SLC39A11: variants seen among roughly 807,000 people sequenced by gnomAD.
SLC39A11 encodes the protein solute carrier family 39 member 11.
SLC39A11 carries 33 observed loss-of-function variants against 36.1 expected under a neutral mutation model. The observed-to-expected ratio is 0.91, with a 90% CI of 0.69 to 1.22. The LOEUF (loss-of-function observed/expected upper bound fraction) is 1.22, where lower values mean the gene tolerates loss of function less well. SLC39A11 is among the 50% of genes most tolerant of loss of function. The pLI, the probability that SLC39A11 is intolerant of heterozygous loss-of-function variation, is 0.00. For missense variants in SLC39A11, 432 were observed against 430.3 expected, an observed-to-expected ratio of 1.00 and a Z score of -0.03; for synonymous variants, 166 against 170.3, an observed-to-expected ratio of 0.97 and a Z score of 0.20.
intron 4 of SLC39A11, among the ~76,000 whole-genome samples, chr17:73,003,981 G>C (rs1327684433): frequency 6.6e-6 from 1 of 151,830 alleles, no homozygotes; most frequent in Non-Finnish European, 1.5e-5. Context: ...AGCTACTATG[G>C]AGGCTGAGGC....
chr17:72,893,909 G>A (rs573774259), intron 5 of SLC39A11, among the ~76,000 whole-genome samples: 4 of 152,176 alleles, frequency 2.6e-5, no homozygotes, highest in East Asian at 1.9e-4. Context: ...ATATTTCCTC[G>A]ATGTCTGCTA....
chr17:72,690,602 T>C (rs538044328), intron 7 of SLC39A11, among the ~76,000 whole-genome samples: 1 of 152,194 alleles, frequency 6.6e-6, no homozygotes, highest in Non-Finnish European at 1.5e-5. Flanking sequence ...GAGATGGACA[T>C]GTAAGAGAGT....
At chr17:72,971,263 T>G (rs371258719) in intron 4 of SLC39A11, among the ~76,000 whole-genome samples, 1 of 151,886 alleles carries the variant, frequency 6.6e-6, no homozygotes, top group South Asian at 2.1e-4. Context: ...TAAATCTGCT[T>G]ACAGAAATAA....
intron 4 of SLC39A11, among the ~76,000 whole-genome samples, chr17:72,973,089 C>T (rs2087576479): frequency 6.6e-6 from 1 of 151,374 alleles, no homozygotes; most frequent in East Asian, 2.0e-4. Flanking sequence ...AAGCTGCCTT[C>T]TGCTTGTCCT....
At chr17:72,851,791 G>C (rs902856925) in intron 5 of SLC39A11, among the ~76,000 whole-genome samples, 1 of 152,022 alleles carries the variant, frequency 6.6e-6, no homozygotes, top group Non-Finnish European at 1.5e-5. Flanking sequence ...TTTCCTGCTT[G>C]AATTTCAAAA....
chr17:73,080,727 T>C (rs1260419414), intron 3 of SLC39A11, among the ~76,000 whole-genome samples: 2 of 152,014 alleles, frequency 1.3e-5, no homozygotes, highest in Non-Finnish European at 2.9e-5. Flanking sequence ...GGCAGATAAT[T>C]TGAGGTCCAG....
intron 5 of SLC39A11, among the ~76,000 whole-genome samples, chr17:72,871,190 T>C (rs567145448): frequency 6.6e-6 from 1 of 151,864 alleles, no homozygotes; most frequent in East Asian, 1.9e-4. Flanking sequence ...GCCTCCCGAG[T>C]AGCTGGGACT....
chr17:72,902,840 T>G (rs2082460890), intron 5 of SLC39A11, among the ~76,000 whole-genome samples: 1 of 152,174 alleles, frequency 6.6e-6, no homozygotes, highest in Non-Finnish European at 1.5e-5. Context: ...AAGGCCTTTT[T>G]CCAGCACCAT....
intron 4 of SLC39A11, among the ~76,000 whole-genome samples, chr17:73,010,266 A>T (rs2090440491): frequency 6.6e-6 from 1 of 152,128 alleles, no homozygotes; most frequent in Non-Finnish European, 1.5e-5. Context: ...CAATACAACC[A>T]GACCCTTTCT....
chr17:72,942,723 C>T (rs1186429735), intron 5 of SLC39A11, among the ~76,000 whole-genome samples: 3 of 152,168 alleles, frequency 2.0e-5, no homozygotes, highest in African/African-American at 4.8e-5. Flanking sequence ...AGTTTTAGCG[C>T]CAAGGAAACT....
At chr17:72,875,321 G>A (rs776932768) in intron 5 of SLC39A11, among the ~76,000 whole-genome samples, 38 of 152,292 alleles carry the variant, frequency 2.5e-4, no homozygotes, top group Non-Finnish European at 5.3e-4. Context: ...AGGCAGAGTG[G>A]AGCATTTTTC....
intron 4 of SLC39A11, among the ~76,000 whole-genome samples, chr17:72,967,399 A>AGAGAGAGAGAGAGTGTGT (rs143987646): frequency 1.4e-5 from 2 of 138,200 alleles, no homozygotes; most frequent in African/African-American, 5.5e-5. Context: ...AGAGAGAGAG[A>AGAGAGAGAGAGAGTGTGT]GTGTGTGTGT....
chr17:73,054,055 G>C (rs960262192), intron 3 of SLC39A11, among the ~76,000 whole-genome samples: 2 of 152,124 alleles, frequency 1.3e-5, no homozygotes, highest in Admixed American at 6.6e-5. Context: ...CTGAGAGGCA[G>C]CCAACCCCAA....
chr17:72,845,471 T>C (rs1166409360), intron 6 of SLC39A11, among the ~76,000 whole-genome samples: 1 of 152,202 alleles, frequency 6.6e-6, no homozygotes, highest in Non-Finnish European at 1.5e-5. Context: ...CTGACTCAAA[T>C]TCAAGGACAT....
At chr17:72,672,539 C>G (rs1291254442) in intron 7 of SLC39A11, among the ~76,000 whole-genome samples, 1 of 152,214 alleles carries the variant, frequency 6.6e-6, no homozygotes, top group Non-Finnish European at 1.5e-5. Context: ...CCTAAAAAGA[C>G]AGTGAACTGT....
intron 4 of SLC39A11, among the ~76,000 whole-genome samples, chr17:72,951,764 C>A (rs2085880952): frequency 6.6e-6 from 1 of 152,046 alleles, no homozygotes; most frequent in African/African-American, 2.4e-5. Context: ...CATGTACTAG[C>A]CCATTATTAA....
intron 7 of SLC39A11, among the ~76,000 whole-genome samples, chr17:72,684,309 G>GC (rs886214938): frequency 3.3e-5 from 5 of 152,198 alleles, no homozygotes; most frequent in African/African-American, 1.2e-4. Flanking sequence ...CCAGCTTGTG[G>GC]CCTGGAGGCT....
chr17:72,999,534 T>G (rs1018074878), intron 4 of SLC39A11, among the ~76,000 whole-genome samples: 8 of 152,340 alleles, frequency 5.3e-5, no homozygotes, highest in Admixed American at 5.2e-4. Flanking sequence ...AAGGGTTTAT[T>G]GAGCCTTATA....
intron 4 of SLC39A11, among the ~76,000 whole-genome samples, chr17:73,006,066 A>G (rs1002923965): frequency 5.3e-5 from 8 of 152,196 alleles, no homozygotes; most frequent in African/African-American, 1.9e-4. Context: ...CACACACTCC[A>G]TGACTGTGAG....
Sources: gnomAD v4.1 joint callset for allele counts (sites outside exome capture counted in the v4.1 genomes callset) on GRCh38, gnomAD v4.1.1 for gene constraint, MANE v1.5 for transcripts, NCBI Gene and HGNC (gene_info 2026-07-23, HGNC 2026-07-21) for gene names.